The following IL1RAPL1 variants were observed in gnomAD, a reference collection of about 807,000 sequenced individuals.
IL1RAPL1 encodes interleukin 1 receptor accessory protein like 1.
IL1RAPL1 carries 3 observed loss-of-function variants against 48.4 expected under a neutral mutation model. The ratio of observed to expected loss-of-function variants is 0.06; its 90% CI spans 0.03 to 0.16. IL1RAPL1 has a LOEUF of 0.16. Among genes scored for constraint, IL1RAPL1 ranks in the 10% least tolerant of loss-of-function variants. The probability of loss-of-function intolerance (pLI) is 1.00; values close to 1 mark genes in which losing one functional copy is unlikely to be tolerated. For synonymous variants in IL1RAPL1, 185 were observed against 187.7 expected, an observed-to-expected ratio of 0.99 and a Z score of 0.12; for missense variants, 349 against 530.6, an observed-to-expected ratio of 0.66 and a Z score of 3.36.
At chrX:29,807,621 CAAAAAAAAAAAA>C (rs60391165) in intron 6 of IL1RAPL1, among the ~76,000 whole-genome samples, 611 of 25,933 alleles carry the variant, frequency 0.024, 5 homozygotes, top group African/African-American at 0.072. Flanking sequence ...TCTCTCAAGA[CAAAAAAAAAAAA>C]AAAAAAAAAA....
At chrX:29,454,176 C>G (rs1753358096) in intron 5 of IL1RAPL1, among the ~76,000 whole-genome samples, 1 of 112,320 alleles carries the variant, frequency 8.9e-6, no homozygotes, top group African/African-American at 3.2e-5. Context: ...TGAGGTACGT[C>G]TTTCTTCTTC....
intron 2 of IL1RAPL1, among the ~76,000 whole-genome samples, chrX:28,843,032 T>A (rs971828876): frequency 2.7e-5 from 3 of 110,739 alleles, no homozygotes; most frequent in African/African-American, 9.8e-5. Flanking sequence ...GCTCAAGCAA[T>A]TTCGTGTCTT....
At chrX:29,316,669 C>T (rs940427913) in intron 3 of IL1RAPL1, among the ~76,000 whole-genome samples, 2 of 111,408 alleles carry the variant, frequency 1.8e-5, no homozygotes, top group Admixed American at 1.9e-4. Flanking sequence ...TAGGTGGATT[C>T]GGAGATTCTT....
At chrX:28,800,994 A>G (rs914878914) in intron 2 of IL1RAPL1, among the ~76,000 whole-genome samples, 1 of 108,540 alleles carries the variant, frequency 9.2e-6, no homozygotes, top group Non-Finnish European at 1.9e-5. Flanking sequence ...TGATTCTCCT[A>G]CCTCAGCCTC....
intron 2 of IL1RAPL1, among the ~76,000 whole-genome samples, chrX:29,260,580 G>A (rs891015843): frequency 3.6e-5 from 4 of 111,374 alleles, no homozygotes; most frequent in Non-Finnish European, 7.5e-5. Flanking sequence ...TGACACATGG[G>A]GATTATTACA....
intron 2 of IL1RAPL1, among the ~76,000 whole-genome samples, chrX:28,795,344 T>C (rs867896104): frequency 3.0e-4 from 34 of 111,933 alleles, no homozygotes; most frequent in African/African-American, 1.1e-3. Flanking sequence ...TGTCTTTGTT[T>C]AGTTATATCT....
intron 2 of IL1RAPL1, among the ~76,000 whole-genome samples, chrX:28,790,846 A>G (rs1936529775): frequency 9.0e-6 from 1 of 111,692 alleles, no homozygotes; most frequent in African/African-American, 3.3e-5. Context: ...CATAACCAAG[A>G]GAGTTAGAGT....
At chrX:29,426,043 A>G (rs1227402749) in intron 5 of IL1RAPL1, among the ~76,000 whole-genome samples, 4 of 111,672 alleles carry the variant, frequency 3.6e-5, no homozygotes, top group African/African-American at 1.3e-4. Flanking sequence ...CACAGCTATC[A>G]TTGTTTTTCC....
chrX:28,779,616 TTATGTG>T lies in IL1RAPL1; in HGVS notation c.-24-9702_-24-9697del, dbSNP rs370610761. 4.7e-3 allele frequency among the ~76,000 whole-genome samples: 263 copies of T among 55,916 alleles called. 8 individuals are homozygous for T. In the East Asian group the frequency reaches 0.063, roughly 13 times the overall value. The allele number at this position is 55,916 out of a possible 115,157, so 48.6% of individuals were successfully genotyped here. A position where few individuals can be genotyped will look rare whatever the true frequency, so the allele number is the denominator to read the frequency against. ...ATTTATCAGGTACAGAGTGATACTA[TTATGTG>T]TGTGTGTGTGTGTATATATATATAT... On this transcript the variant is annotated intron_variant, in intron 1 of 10. Transcript: ENST00000378993.
chrX:28,973,534 G>A (rs1406071513), intron 2 of IL1RAPL1, among the ~76,000 whole-genome samples: 1 of 111,635 alleles, frequency 9.0e-6, no homozygotes, highest in Non-Finnish European at 1.9e-5. Flanking sequence ...CTTAATTTTG[G>A]CCTTAGGTAG....
intron 1 of IL1RAPL1, among the ~76,000 whole-genome samples, chrX:28,684,827 T>C (rs1935094877): frequency 8.9e-6 from 1 of 112,088 alleles, no homozygotes. Context: ...TATCTTAAGC[T>C]TAGAAAAGAA....
intron 1 of IL1RAPL1, among the ~76,000 whole-genome samples, chrX:28,692,284 T>G (rs1243486126): frequency 9.0e-6 from 1 of 111,074 alleles, no homozygotes; most frequent in East Asian, 2.8e-4. Context: ...AATTTAAATA[T>G]GAGATTTAGG....
At chrX:29,708,761 T>C (rs926804601) in intron 6 of IL1RAPL1, among the ~76,000 whole-genome samples, 1 of 111,770 alleles carries the variant, frequency 8.9e-6, no homozygotes, top group African/African-American at 3.2e-5. Context: ...GATTATATGG[T>C]AATTATATTT....
At chrX:29,746,852 C>G (rs1038142914) in intron 6 of IL1RAPL1, among the ~76,000 whole-genome samples, 1 of 112,396 alleles carries the variant, frequency 8.9e-6, no homozygotes, top group African/African-American at 3.2e-5. Flanking sequence ...AAGTGATCCA[C>G]CCGTCTTGGC....
At chrX:29,025,214 A>G (rs1382459747) in intron 2 of IL1RAPL1, among the ~76,000 whole-genome samples, 1 of 112,173 alleles carries the variant, frequency 8.9e-6, no homozygotes, top group African/African-American at 3.2e-5. Context: ...GTTAACATTC[A>G]TTTAGGTGGT....
At chrX:28,615,654 C>T (rs765461523) in intron 1 of IL1RAPL1, among the ~76,000 whole-genome samples, 15 of 111,064 alleles carry the variant, frequency 1.4e-4, no homozygotes, top group Non-Finnish European at 2.6e-4. Flanking sequence ...TCAGACACTG[C>T]GTGTAGGGGT....
At chrX:29,940,923 C>G (rs1312773881) in intron 8 of IL1RAPL1, among the ~76,000 whole-genome samples, 1 of 111,100 alleles carries the variant, frequency 9.0e-6, no homozygotes, top group Non-Finnish European at 1.9e-5. Context: ...TATACTGTCC[C>G]ATCCACTAGG....
chrX:29,665,129 G>A (rs1378341769), intron 5 of IL1RAPL1, among the ~76,000 whole-genome samples: 1 of 112,328 alleles, frequency 8.9e-6, no homozygotes, highest in Non-Finnish European at 1.9e-5. Context: ...GGTTTTTGTG[G>A]ACAAAATATG....
At chrX:28,713,465 C>A (rs1310564244) in intron 1 of IL1RAPL1, among the ~76,000 whole-genome samples, 1 of 111,292 alleles carries the variant, frequency 9.0e-6, no homozygotes, top group Admixed American at 9.6e-5. Context: ...CCCCATAAGT[C>A]TTTGAAAAGA....
Sources: gnomAD v4.1 joint callset for allele counts (sites outside exome capture counted in the v4.1 genomes callset) on GRCh38, gnomAD v4.1.1 for gene constraint, MANE v1.5 for transcripts, NCBI Gene and HGNC (gene_info 2026-07-23, HGNC 2026-07-21) for gene names.